RPRD2: variants seen among roughly 807,000 people sequenced by gnomAD.
The protein encoded by RPRD2 is regulation of nuclear pre-mRNA domain-containing protein 2.
In RPRD2, 12 loss-of-function variants were observed where a neutral mutation model predicts 104.4. The observed-to-expected ratio is 0.11, with a 90% CI of 0.07 to 0.19. The LOEUF (loss-of-function observed/expected upper bound fraction) is 0.19. Among genes scored for constraint, RPRD2 ranks in the 10% least tolerant of loss-of-function variants. The pLI is 1.00. For missense variants in RPRD2, 1,543 were observed against 1,790.1 expected (o/e 0.86, Z 2.49); for synonymous variants, 714 against 684.9 (o/e 1.04, Z -0.66).
At chr1:150,444,497 C>G in intron 6 of RPRD2, 120 bp downstream of exon 6, 1 of 928,342 alleles carries the variant, frequency 1.1e-6, no homozygotes, top group Non-Finnish European at 1.6e-6. Flanking sequence ...TGTGGCACCT[C>G]TGGTTTCCCA....
intron 1 of RPRD2, among the ~76,000 whole-genome samples, chr1:150,368,349 G>T (rs1052644311): frequency 4.0e-5 from 6 of 150,944 alleles, no homozygotes; most frequent in African/African-American, 1.5e-4. Flanking sequence ...CTGGAGTGCG[G>T]TGGCGTGATC....
At position 150,464,850 on chromosome 1, in the gene RPRD2, C is replaced by A. The variant is rs1374455983; in HGVS notation, c.1612+123C>A. 9 of 479,470 alleles carry A rather than the reference C, an allele frequency of 1.9e-5. No homozygotes were observed. In the Admixed American group the frequency reaches 2.2e-4, roughly 12 times the overall value. 29.7% of individuals were successfully genotyped at this position (479,470 alleles called of 1,614,324 possible). On this transcript the variant is annotated intron_variant, in intron 10 of 10. Coordinates refer to ENST00000369068, the MANE Select transcript of RPRD2 (RefSeq NM_015203.5). Reference sequence around the variant, plus strand: ...TGTATAACACAGTTAATTCATTATTCTTTTTATTTATTTATTTATTTATTT... The same window carrying A: ...TGTATAACACAGTTAATTCATTATTATTTTTATTTATTTATTTATTTATTT...
intron 2 of RPRD2, among the ~76,000 whole-genome samples, chr1:150,439,870 T>C (rs1033219583): frequency 7.8e-6 from 1 of 128,512 alleles, no homozygotes; most frequent in Non-Finnish European, 1.9e-5. Flanking sequence ...TCCTGCATTG[T>C]TTTTTATTTC....
chr1:150,451,019 G>A (rs993340001), intron 7 of RPRD2, among the ~76,000 whole-genome samples: 18 of 152,160 alleles, frequency 1.2e-4, no homozygotes, highest in African/African-American at 4.3e-4. Flanking sequence ...ATCCTATCCA[G>A]AATCACAAGT....
At chr1:150,445,447 A>C (rs1442896442) in intron 6 of RPRD2, among the ~76,000 whole-genome samples, 2 of 152,208 alleles carry the variant, frequency 1.3e-5, no homozygotes, top group Non-Finnish European at 2.9e-5. Flanking sequence ...AAGAACTTTT[A>C]TTGTGATGCA....
At chr1:150,375,683 T>G (rs782807041) in intron 1 of RPRD2, among the ~76,000 whole-genome samples, 24 of 152,220 alleles carry the variant, frequency 1.6e-4, no homozygotes, top group Non-Finnish European at 3.1e-4. Flanking sequence ...CTTTTGTCAG[T>G]TATGTTCTCT....
At chr1:150,365,451 A>G (rs587638449) in intron 1 of RPRD2, among the ~76,000 whole-genome samples, 3 of 152,310 alleles carry the variant, frequency 2.0e-5, no homozygotes, top group East Asian at 3.9e-4. Flanking sequence ...TGAGCTCTAC[A>G]TAGATCTGAG....
At chr1:150,417,533 A>G (rs782583488) in intron 1 of RPRD2, 63 bp from the exon 2 acceptor site, 3 of 1,336,138 alleles carry the variant, frequency 2.2e-6, no homozygotes, top group East Asian at 2.5e-5. Context: ...TGTATTTGGA[A>G]TAAGTTGAAC....
intron 10 of RPRD2, among the ~76,000 whole-genome samples, chr1:150,469,552 C>CA (rs1215156075): frequency 6.6e-6 from 1 of 152,204 alleles, no homozygotes; most frequent in African/African-American, 2.4e-5. Flanking sequence ...GCTAGGATTA[C>CA]AGGCATGAGC....
chr1:150,408,455 G>T (rs587678917), intron 1 of RPRD2, among the ~76,000 whole-genome samples: 2 of 152,116 alleles, frequency 1.3e-5, no homozygotes, highest in East Asian at 1.9e-4. Context: ...CGCCTGGCCC[G>T]CCTATACATT....
chr1:150,390,677 G>C (rs1661998555), intron 1 of RPRD2, among the ~76,000 whole-genome samples: 4 of 152,122 alleles, frequency 2.6e-5, no homozygotes, highest in Admixed American at 6.6e-5. Flanking sequence ...TGGATGATTT[G>C]AACAACAGAT....
chr1:150,388,522 C>CACAT (rs368120543), intron 1 of RPRD2, among the ~76,000 whole-genome samples: 3,962 of 144,412 alleles, frequency 0.027, 80 homozygotes, highest in Non-Finnish European at 0.032. Flanking sequence ...CACACACACA[C>CACAT]ATATATACAC....
At chr1:150,415,919 C>G (rs1664298383) in intron 1 of RPRD2, among the ~76,000 whole-genome samples, 1 of 152,092 alleles carries the variant, frequency 6.6e-6, no homozygotes. Flanking sequence ...ATAAGCTTAT[C>G]TCCTGAGAGT....
At chr1:150,415,297 A>G (rs1310346040) in intron 1 of RPRD2, among the ~76,000 whole-genome samples, 1 of 151,878 alleles carries the variant, frequency 6.6e-6, no homozygotes, top group Non-Finnish European at 1.5e-5. Context: ...GTGCCATTGC[A>G]CTCTAGCCTG....
intron 1 of RPRD2, among the ~76,000 whole-genome samples, chr1:150,373,082 C>T (rs143773357): frequency 0.043 from 6,423 of 148,480 alleles, 195 homozygotes; most frequent in Non-Finnish European, 0.064. Context: ...GGCACCATCT[C>T]GGCTCACTGC....
intron 1 of RPRD2, among the ~76,000 whole-genome samples, chr1:150,377,159 T>C (rs1173806900): frequency 6.7e-6 from 1 of 149,464 alleles, no homozygotes; most frequent in Admixed American, 6.7e-5. Context: ...TGCAGTGAGC[T>C]GAGATTACGC....
chr1:150,427,163 A>T (rs1572450733), intron 2 of RPRD2, among the ~76,000 whole-genome samples: 1 of 149,202 alleles, frequency 6.7e-6, no homozygotes, highest in East Asian at 2.0e-4. Context: ...AATAAATAAA[A>T]AGTTTTAAAA....
chr1:150,445,091 G>T (rs1553895310), intron 6 of RPRD2, among the ~76,000 whole-genome samples: 1 of 152,134 alleles, frequency 6.6e-6, no homozygotes, highest in South Asian at 2.1e-4. Context: ...GGAGGCTGAG[G>T]CAAGCAGATT....
chr1:150,449,400 T>G (rs1272582064), intron 7 of RPRD2, among the ~76,000 whole-genome samples: 3 of 152,230 alleles, frequency 2.0e-5, no homozygotes, highest in Admixed American at 2.0e-4. Context: ...ATGCTTGGGT[T>G]TAAGTCTACC....
Sources: gnomAD v4.1 joint callset for allele counts (sites outside exome capture counted in the v4.1 genomes callset) on GRCh38, gnomAD v4.1.1 for gene constraint, MANE v1.5 for transcripts, NCBI Gene and HGNC (gene_info 2026-07-23, HGNC 2026-07-21) for gene names.